PDE4D: variants seen among roughly 807,000 people sequenced by gnomAD.
PDE4D encodes the protein phosphodiesterase 4D.
In PDE4D, 24 loss-of-function variants were observed where a neutral mutation model predicts 87.4. That is an observed-to-expected ratio of 0.27 (90% CI 0.20 to 0.39). The LOEUF (loss-of-function observed/expected upper bound fraction) is 0.39, where lower values mean the gene tolerates loss of function less well. Ranked by LOEUF, PDE4D falls within the 10% of genes least tolerant of loss-of-function variation. The pLI is 1.00. For synonymous variants in PDE4D, 384 were observed against 383.2 expected (o/e 1.00, Z -0.02); for missense variants, 714 against 1,041.0 (o/e 0.69, Z 4.32).
At chr5:59,544,923 T>C (rs1434677215) in intron 1 of PDE4D, among the ~76,000 whole-genome samples, 2 of 152,340 alleles carry the variant, frequency 1.3e-5, no homozygotes, top group East Asian at 3.9e-4. Context: ...CTTTATTTTC[T>C]AGCACTCACT....
chr5:60,244,198 T>C (rs189184099), intron 1 of PDE4D, among the ~76,000 whole-genome samples: 1 of 151,922 alleles, frequency 6.6e-6, no homozygotes, highest in African/African-American at 2.4e-5. Context: ...AGTAGTACCA[T>C]TTATGATAGC....
intron 1 of PDE4D, among the ~76,000 whole-genome samples, chr5:59,485,818 A>G (rs1156028): frequency 6.6e-6 from 1 of 151,826 alleles, no homozygotes; most frequent in South Asian, 2.1e-4. Flanking sequence ...CAGGATTGCC[A>G]GGGGCATTCC....
chr5:59,009,511 C>T (rs974608053), intron 6 of PDE4D, among the ~76,000 whole-genome samples: 14 of 152,056 alleles, frequency 9.2e-5, no homozygotes, highest in African/African-American at 3.1e-4. Context: ...AAGCCATTCA[C>T]AAAAGGCTAT....
At chr5:59,310,200 A>G (rs1772297652) in intron 1 of PDE4D, among the ~76,000 whole-genome samples, 1 of 151,894 alleles carries the variant, frequency 6.6e-6, no homozygotes, top group Non-Finnish European at 1.5e-5. Context: ...CATTTCCTTA[A>G]CCAAAGTGGA....
intron 1 of PDE4D, among the ~76,000 whole-genome samples, chr5:59,230,614 T>C (rs1754952837): frequency 6.6e-6 from 1 of 152,226 alleles, no homozygotes; most frequent in South Asian, 2.1e-4. Flanking sequence ...GTAATAGTTC[T>C]ACTATAATTG....
At chr5:60,262,821 G>A (rs1204167597) in intron 1 of PDE4D, among the ~76,000 whole-genome samples, 3 of 152,284 alleles carry the variant, frequency 2.0e-5, no homozygotes. Flanking sequence ...CACTAAGGGT[G>A]GGGATAGGGG....
At chr5:59,942,889 G>A (rs2152799414) in intron 3 of PDE4D, among the ~76,000 whole-genome samples, 1 of 151,524 alleles carries the variant, frequency 6.6e-6, no homozygotes, top group African/African-American at 2.4e-5. Flanking sequence ...GAGATATTTG[G>A]CAATGTCTAG....
intron 2 of PDE4D, among the ~76,000 whole-genome samples, chr5:60,044,934 C>A (rs1473019591): frequency 2.0e-5 from 3 of 152,146 alleles, no homozygotes; most frequent in Non-Finnish European, 2.9e-5. Context: ...CCTGAGGAAT[C>A]GCCACACTGA....
rs1759930052 is a variant in PDE4D, at chr5:59,748,381, G to A, written c.455+144787C>T. 2.6e-5 allele frequency among the ~76,000 whole-genome samples: 4 copies of A among 152,210 alleles called. No homozygotes were observed. The South Asian group carries it at 8.3e-4, about 32-fold the overall frequency. ...GTTTATTGCAGCACTATTCACAATA[G>A]CAAAGACTTGGAACCAACCCAAATG... On this transcript the variant is annotated intron_variant, in intron 1 of 14. Transcript: ENST00000340635.
intron 1 of PDE4D, among the ~76,000 whole-genome samples, chr5:59,429,292 G>T (rs1199995966): frequency 6.6e-6 from 1 of 152,150 alleles, no homozygotes; most frequent in South Asian, 2.1e-4. Context: ...GCTTGGTGCT[G>T]CTAGCCGGTC....
intron 1 of PDE4D, among the ~76,000 whole-genome samples, chr5:59,751,599 G>A (rs1365897291): frequency 6.6e-6 from 1 of 151,086 alleles, no homozygotes; most frequent in African/African-American, 2.5e-5. Flanking sequence ...GTGTGTGTGT[G>A]TGTGTGTGTG....
chr5:60,204,118 G>C (rs189584765), intron 1 of PDE4D, among the ~76,000 whole-genome samples: 1 of 152,276 alleles, frequency 6.6e-6, no homozygotes, highest in African/African-American at 2.4e-5. Flanking sequence ...GGGTAAGCAG[G>C]CAGGAAACAG....
chr5:59,171,781 C>A (rs1782805151), intron 5 of PDE4D, among the ~76,000 whole-genome samples: 1 of 133,286 alleles, frequency 7.5e-6, no homozygotes, highest in African/African-American at 2.9e-5. Context: ...TATATGAATA[C>A]ATATTCATAT....
chr5:60,392,513 G>GA (rs1452071269), intron 1 of PDE4D, among the ~76,000 whole-genome samples: 2 of 152,276 alleles, frequency 1.3e-5, no homozygotes, highest in Non-Finnish European at 2.9e-5. Flanking sequence ...CCCTCAGGAA[G>GA]AAAAATGTGC....
intron 2 of PDE4D, among the ~76,000 whole-genome samples, chr5:60,105,486 C>A (rs1026488279): frequency 2.6e-5 from 4 of 152,124 alleles, no homozygotes; most frequent in African/African-American, 7.2e-5. Flanking sequence ...GGCAGGCCAA[C>A]ATTCAGATAC....
At chr5:60,279,863 G>C (rs1420811900) in intron 1 of PDE4D, among the ~76,000 whole-genome samples, 1 of 151,834 alleles carries the variant, frequency 6.6e-6, no homozygotes, top group Non-Finnish European at 1.5e-5. Context: ...TGTGTTTTTA[G>C]TAGAGATGGG....
chr5:60,454,746 G>A (rs1746342839), intron 1 of PDE4D, among the ~76,000 whole-genome samples: 1 of 152,086 alleles, frequency 6.6e-6, no homozygotes, highest in Non-Finnish European at 1.5e-5. Context: ...AACCACCATG[G>A]CACACATTTA....
intron 1 of PDE4D, among the ~76,000 whole-genome samples, chr5:59,830,481 C>G (rs1028815220): frequency 2.0e-5 from 3 of 151,940 alleles, no homozygotes; most frequent in Non-Finnish European, 4.4e-5. Flanking sequence ...AGTCATCATC[C>G]AAGAAAGCAA....
At chr5:59,750,743 C>T (rs2150724188) in intron 1 of PDE4D, among the ~76,000 whole-genome samples, 1 of 152,134 alleles carries the variant, frequency 6.6e-6, no homozygotes, top group African/African-American at 2.4e-5. Flanking sequence ...TGAGACCAGC[C>T]TGGGCAACAT....
Sources: allele counts gnomAD v4.1 joint callset (sites outside exome capture counted in the v4.1 genomes callset), GRCh38; gene constraint gnomAD v4.1.1; transcripts MANE v1.5; gene names NCBI Gene and HGNC (gene_info 2026-07-23, HGNC 2026-07-21).